Variants in STAU2 observed in about 807,000 individuals in gnomAD.
STAU2 encodes double-stranded RNA-binding protein Staufen homolog 2.
In STAU2, 20 loss-of-function variants were observed where a neutral mutation model predicts 65.9. That is an observed-to-expected ratio of 0.30 (90% CI 0.21 to 0.44). The LOEUF is 0.44. Ranked by LOEUF, STAU2 falls within the 20% of genes least tolerant of loss-of-function variation. STAU2 has a pLI of 1.00. For synonymous variants in STAU2, 232 were observed against 233.9 expected, an observed-to-expected ratio of 0.99 and a Z score of 0.07; for missense variants, 558 against 683.9, an observed-to-expected ratio of 0.82 and a Z score of 2.05.
At chr8:73,647,539 C>G (rs534738959) in intron 6 of STAU2, among the ~76,000 whole-genome samples, 2 of 150,360 alleles carry the variant, frequency 1.3e-5, no homozygotes, top group African/African-American at 4.9e-5. Flanking sequence ...AGTTAAGGGA[C>G]AACATAAGGA....
At chr8:73,726,542 T>C (rs892768201) in intron 3 of STAU2, among the ~76,000 whole-genome samples, 1 of 152,244 alleles carries the variant, frequency 6.6e-6, no homozygotes, top group Non-Finnish European at 1.5e-5. Context: ...AGCTCACTGA[T>C]GCTGTTTTTT....
intron 10 of STAU2, among the ~76,000 whole-genome samples, chr8:73,599,675 A>G (rs1268872330): frequency 1.3e-5 from 2 of 152,188 alleles, no homozygotes; most frequent in Admixed American, 6.5e-5. Flanking sequence ...CAGAACATAC[A>G]GATTCCCATT....
At chr8:73,623,990 C>A (rs1324004075) in intron 6 of STAU2, among the ~76,000 whole-genome samples, 1 of 152,002 alleles carries the variant, frequency 6.6e-6, no homozygotes, top group African/African-American at 2.4e-5. Flanking sequence ...TGTAGAATTA[C>A]TGTAAGTATG....
intron 12 of STAU2, chr8:73,561,537 T>C (rs1300213493): frequency 2.2e-6 from 1 of 455,552 alleles, no homozygotes; most frequent in Non-Finnish European, 4.4e-6. Context: ...AGTTATGATT[T>C]CCCTACGACA....
At chr8:73,672,544 A>G (rs1473959849) in intron 6 of STAU2, 1 of 152,240 alleles carries the variant, frequency 6.6e-6, no homozygotes, top group Non-Finnish European at 1.5e-5. Flanking sequence ...TGTCTATCAT[A>G]CCTTCATAAA....
chr8:73,643,042 AAC>A (rs1815109990), intron 6 of STAU2, among the ~76,000 whole-genome samples: 7 of 152,144 alleles, frequency 4.6e-5, no homozygotes, highest in Admixed American at 4.6e-4. Flanking sequence ...TCCTACATGA[AAC>A]ACATATTTGA....
chr8:73,717,232 G>A (rs984676688), intron 3 of STAU2, among the ~76,000 whole-genome samples: 1 of 152,088 alleles, frequency 6.6e-6, no homozygotes, highest in African/African-American at 2.4e-5. Context: ...CCAAACTGTG[G>A]CTTTTCTCTT....
chr8:73,486,417 A>C (rs1436041854), intron 13 of STAU2, among the ~76,000 whole-genome samples: 1 of 151,868 alleles, frequency 6.6e-6, no homozygotes, highest in Non-Finnish European at 1.5e-5. Context: ...CTTTCTTTCC[A>C]GGTTACTCAA....
intron 13 of STAU2, among the ~76,000 whole-genome samples, chr8:73,426,398 T>C (rs1188232036): frequency 1.3e-5 from 2 of 152,330 alleles, no homozygotes; most frequent in South Asian, 2.1e-4. Context: ...TATAGAGCAA[T>C]AGAACTTATT....
intron 3 of STAU2, among the ~76,000 whole-genome samples, chr8:73,728,439 T>C (rs541673891): frequency 2.2e-4 from 31 of 140,674 alleles, no homozygotes; most frequent in African/African-American, 7.8e-4. Context: ...CATATGAATA[T>C]GAGGATCAGC....
chr8:73,701,942 G>A (rs1274045821), intron 4 of STAU2, among the ~76,000 whole-genome samples: 1 of 152,170 alleles, frequency 6.6e-6, no homozygotes, highest in Non-Finnish European at 1.5e-5. Flanking sequence ...GATAGAACTG[G>A]ACGTCACTAT....
chr8:73,677,234 G>A (rs1178900196), intron 5 of STAU2, among the ~76,000 whole-genome samples: 2 of 152,172 alleles, frequency 1.3e-5, no homozygotes, highest in Non-Finnish European at 2.9e-5. Context: ...GATATCAAAT[G>A]TTGATGAGGA....
chr8:73,554,039 C>T (rs1432897912), intron 12 of STAU2, among the ~76,000 whole-genome samples: 1 of 152,082 alleles, frequency 6.6e-6, no homozygotes. Context: ...GGAGAAGATC[C>T]TAACCAATCA....
At chr8:73,720,910 TTC>T (rs1357604660) in intron 3 of STAU2, among the ~76,000 whole-genome samples, 2 of 151,966 alleles carry the variant, frequency 1.3e-5, no homozygotes, top group African/African-American at 4.8e-5. Flanking sequence ...CCAAGAATCT[TTC>T]TGTTAATGAT....
At chr8:73,573,850 A>AG (rs765250579) in intron 12 of STAU2, among the ~76,000 whole-genome samples, 18 of 152,146 alleles carry the variant, frequency 1.2e-4, no homozygotes, top group Non-Finnish European at 2.4e-4. Context: ...ATGGGCAAGG[A>AG]GTTCATGACT....
chr8:73,711,571 T>TA (rs1820905535), intron 3 of STAU2, among the ~76,000 whole-genome samples: 1 of 152,132 alleles, frequency 6.6e-6, no homozygotes, highest in South Asian at 2.1e-4. Flanking sequence ...CATACAAACA[T>TA]AGTGTGAAAA....
intron 3 of STAU2, among the ~76,000 whole-genome samples, chr8:73,725,684 C>A (rs1179833486): frequency 3.9e-5 from 6 of 152,216 alleles, no homozygotes; most frequent in Non-Finnish European, 5.9e-5. Context: ...GTAATCCCAG[C>A]CCTTTGGGAG....
chr8:73,733,013 C>T (rs528074958), intron 3 of STAU2: 23 of 151,380 alleles, frequency 1.5e-4, no homozygotes, highest in African/African-American at 4.8e-4. Flanking sequence ...ATACTCTGGT[C>T]TTACACTATC....
intron 12 of STAU2, among the ~76,000 whole-genome samples, chr8:73,560,145 A>G (rs1808110130): frequency 7.3e-6 from 1 of 137,426 alleles, no homozygotes; most frequent in African/African-American, 2.8e-5. Context: ...CAGTGGCGCC[A>G]TCTCGGCTCA....
Sources: allele counts gnomAD v4.1 joint callset (sites outside exome capture counted in the v4.1 genomes callset), GRCh38; gene constraint gnomAD v4.1.1; transcripts MANE v1.5; gene names NCBI Gene and HGNC (gene_info 2026-07-23, HGNC 2026-07-21).